Variants in COL10A1 observed in about 807,000 individuals in gnomAD.
COL10A1 encodes the protein collagen type X alpha 1 chain.
COL10A1 carries 10 observed loss-of-function variants against 18.2 expected under a neutral mutation model. The ratio of observed to expected loss-of-function variants is 0.55; its 90% CI spans 0.34 to 0.93. The LOEUF is 0.93. Among genes scored for constraint, COL10A1 ranks in the 40% least tolerant of loss-of-function variants. COL10A1 has a pLI of 0.02. For synonymous variants in COL10A1, 330 were observed against 316.6 expected, an observed-to-expected ratio of 1.04 and a Z score of -0.45; for missense variants, 897 against 853.5, an observed-to-expected ratio of 1.05 and a Z score of -0.64.
the COL10A1 span, among the ~76,000 whole-genome samples, chr6:116,202,209 C>T: frequency 2.6e-4 from 39 of 152,014 alleles, no homozygotes; most frequent in African/African-American, 9.4e-4. Flanking sequence ...GCTCCCCTAC[C>T]TTAGCTCTGG....
At chr6:116,216,723 A>G in the COL10A1 span, among the ~76,000 whole-genome samples, 65 of 152,116 alleles carry the variant, frequency 4.3e-4, no homozygotes, top group Non-Finnish European at 8.4e-4. Context: ...TTTTAATTTT[A>G]TTTTTTGCCA....
intron 2 of COL10A1, 66 bp downstream of exon 2, chr6:116,125,273 G>C: frequency 6.4e-7 from 1 of 1,555,390 alleles, no homozygotes; most frequent in South Asian, 1.2e-5. Flanking sequence ...TTGTTAAAGA[G>C]ATTATTAAGA....
the COL10A1 span, among the ~76,000 whole-genome samples, chr6:116,188,252 T>C: frequency 6.6e-6 from 1 of 152,002 alleles, no homozygotes; most frequent in African/African-American, 2.4e-5. Flanking sequence ...GGAGTGTAAA[T>C]TGTTGAGTTG....
At chr6:116,125,616 T>C (rs1156939003) in intron 1 of COL10A1, 109 bp from the exon 2 acceptor site, 2 of 916,208 alleles carry the variant, frequency 2.2e-6, no homozygotes, top group African/African-American at 3.4e-5. Context: ...TTTTAACCTA[T>C]CCTATATATT....
At chr6:116,139,401 T>C (rs962446323) in intron 1 of COL10A1, among the ~76,000 whole-genome samples, 15 of 152,162 alleles carry the variant, frequency 9.9e-5, no homozygotes, top group African/African-American at 3.6e-4. Flanking sequence ...CAAAGCAATA[T>C]TGAGAACAAT....
At chr6:116,164,234 G>A in the COL10A1 span, among the ~76,000 whole-genome samples, 1 of 152,064 alleles carries the variant, frequency 6.6e-6, no homozygotes, top group Admixed American at 6.6e-5. Context: ...TATTTTCTTA[G>A]GTGTAGTAGT....
chr6:116,173,057 G>A, the COL10A1 span, among the ~76,000 whole-genome samples: 1 of 152,148 alleles, frequency 6.6e-6, no homozygotes, highest in East Asian at 1.9e-4. Flanking sequence ...CTATGGAATT[G>A]TCATTTTTAT....
chr6:116,179,639 AT>A, the COL10A1 span, among the ~76,000 whole-genome samples: 5 of 152,126 alleles, frequency 3.3e-5, no homozygotes, highest in Admixed American at 6.6e-5. Context: ...TCCCAGTGTT[AT>A]CAAAAAGAAT....
rs769964985 is a variant in COL10A1 at position 116,125,501 on chromosome 6, A to G, written c.-9T>C. 1 of 1,613,414 alleles carries G rather than the reference A, an allele frequency of 6.2e-7. No individual in the cohort carries two copies. Among genetic ancestry groups the G allele is most frequent in the Non-Finnish European group, 8.5e-7 (1 of 1,179,490 alleles). On this transcript the variant is annotated 5_prime_UTR_variant, in exon 2 of 3. Coordinates refer to ENST00000651968, the MANE Select transcript of COL10A1 (RefSeq NM_000493.4). The stretch of plus-strand genomic sequence containing the variant: ...GGTATTTGTGGCAGCATATTCTCAG[A>G]TGGATTCTGAAAAACAGAAAAGAAT...
chr6:116,176,666 A>G, the COL10A1 span, among the ~76,000 whole-genome samples: 1 of 151,954 alleles, frequency 6.6e-6, no homozygotes, highest in Non-Finnish European at 1.5e-5. Flanking sequence ...CTTTTTCCCA[A>G]CCACATATTG....
the COL10A1 span, among the ~76,000 whole-genome samples, chr6:116,215,318 A>G: frequency 2.6e-5 from 4 of 152,168 alleles, no homozygotes; most frequent in African/African-American, 2.4e-5. Flanking sequence ...ATGGTCTCCA[A>G]ACTTTTTATT....
intron 2 of COL10A1, among the ~76,000 whole-genome samples, chr6:116,124,503 A>G (rs1779232794): frequency 6.6e-6 from 1 of 152,228 alleles, no homozygotes; most frequent in Non-Finnish European, 1.5e-5. Flanking sequence ...CAACAGATTC[A>G]AGAAGAAAGT....
the COL10A1 span, among the ~76,000 whole-genome samples, chr6:116,173,374 C>G: frequency 1.3e-5 from 2 of 152,186 alleles, no homozygotes; most frequent in Non-Finnish European, 2.9e-5. Context: ...AATACCTTCT[C>G]CCATCTGGGG....
At chr6:116,210,582 T>A in the COL10A1 span, among the ~76,000 whole-genome samples, 1 of 151,960 alleles carries the variant, frequency 6.6e-6, no homozygotes, top group Admixed American at 6.6e-5. Flanking sequence ...ATAGGACCTG[T>A]TCCTGGGGTC....
At chr6:116,181,348 A>G in the COL10A1 span, among the ~76,000 whole-genome samples, 1 of 152,118 alleles carries the variant, frequency 6.6e-6, no homozygotes, top group South Asian at 2.1e-4. Flanking sequence ...CAGAATATAT[A>G]AAAAGTTGCA....
At chr6:116,143,273 C>T (rs569092439) in intron 1 of COL10A1, among the ~76,000 whole-genome samples, 4 of 152,054 alleles carry the variant, frequency 2.6e-5, no homozygotes, top group Non-Finnish European at 5.9e-5. Context: ...TGCAGTGGCG[C>T]GATTTTGGCT....
the COL10A1 span, among the ~76,000 whole-genome samples, chr6:116,199,828 A>G: frequency 5.9e-5 from 9 of 152,196 alleles, no homozygotes; most frequent in East Asian, 1.6e-3. Context: ...TCTGGTATAA[A>G]TAAGTGATTA....
the COL10A1 span, among the ~76,000 whole-genome samples, chr6:116,179,013 T>C: frequency 6.6e-6 from 1 of 152,208 alleles, no homozygotes; most frequent in East Asian, 1.9e-4. Flanking sequence ...ATACAAATGG[T>C]AATTTCTTGG....
In COL10A1 at chr6:116,151,409, G is replaced by C. The variant is rs117511048; in HGVS notation, c.-16+7205C>G. 4.2e-3 allele frequency among the ~76,000 whole-genome samples: 637 copies of C among 152,156 alleles called. 2 individuals carry two copies. The highest frequency in any genetic ancestry group is 7.2e-3 in the Non-Finnish European group (487 of 67,994). On this transcript the variant is annotated intron_variant, in intron 1 of 1. Coordinates refer to the COL10A1 transcript ENST00000418500. ...ATGTTTTCAACTCATATTGTTTTTG[G>C]TTTATACCCTCTAAGTGATTGTATA...
Sources: allele counts gnomAD v4.1 joint callset (sites outside exome capture counted in the v4.1 genomes callset), GRCh38; gene constraint gnomAD v4.1.1; transcripts MANE v1.5; gene names NCBI Gene and HGNC (gene_info 2026-07-23, HGNC 2026-07-21).